NIM1K: variants seen among roughly 807,000 people sequenced by gnomAD.
NIM1K encodes the protein NIM1 serine/threonine protein kinase.
A neutral mutation model predicts 37.1 loss-of-function variants in NIM1K; 35 were observed. The observed-to-expected ratio is 0.94, with a 90% CI of 0.72 to 1.25. NIM1K has a LOEUF of 1.25. Among genes scored for constraint, NIM1K ranks in the 50% most tolerant of loss-of-function variants. The pLI is 0.00. For missense variants in NIM1K, 564 were observed against 548.0 expected, an observed-to-expected ratio of 1.03 and a Z score of -0.29; for synonymous variants, 234 against 206.6, an observed-to-expected ratio of 1.13 and a Z score of -1.14.
intron 2 of NIM1K, among the ~76,000 whole-genome samples, chr5:43,272,487 G>T (rs1203814007): frequency 6.6e-6 from 1 of 152,002 alleles, no homozygotes; most frequent in East Asian, 1.9e-4. Flanking sequence ...TAGTCCTCTG[G>T]GTTCCAGTTG....
intron 1 of NIM1K, chr5:43,232,101 A>C (rs1197687880): frequency 9.6e-7 from 1 of 1,042,606 alleles, no homozygotes; most frequent in Non-Finnish European, 1.4e-6. Flanking sequence ...GAGGGCTGGC[A>C]GTTAATGCCA....
chr5:43,225,260 C>CAAAAAAAA (rs10555794), intron 1 of NIM1K, among the ~76,000 whole-genome samples: 29 of 72,710 alleles, frequency 4.0e-4, no homozygotes, highest in Non-Finnish European at 5.9e-4. Flanking sequence ...ACCCTCTTTC[C>CAAAAAAAA]AAAAAAAAAA....
At chr5:43,263,170 G>A (rs965716670) in intron 2 of NIM1K, among the ~76,000 whole-genome samples, 1 of 152,178 alleles carries the variant, frequency 6.6e-6, no homozygotes, top group African/African-American at 2.4e-5. Flanking sequence ...GATTGGAATA[G>A]TTTCAGAAGG....
intron 2 of NIM1K, among the ~76,000 whole-genome samples, chr5:43,259,300 C>T (rs1752993788): frequency 6.6e-6 from 1 of 152,130 alleles, no homozygotes; most frequent in Non-Finnish European, 1.5e-5. Flanking sequence ...AATGGTAGAT[C>T]TACTCTCAGA....
intron 2 of NIM1K, among the ~76,000 whole-genome samples, chr5:43,250,843 T>A (rs911658780): frequency 3.9e-5 from 6 of 152,174 alleles, no homozygotes; most frequent in Admixed American, 1.3e-4. Context: ...AAGTGTGGGT[T>A]CAGATGTTAG....
chr5:43,201,869 GA>G (rs1752025046), intron 1 of NIM1K, among the ~76,000 whole-genome samples: 2 of 150,730 alleles, frequency 1.3e-5, no homozygotes, highest in East Asian at 3.9e-4. Flanking sequence ...TGAGGCAGGA[GA>G]ATCACTTGAA....
chr5:43,232,192 G>T, intron 1 of NIM1K: 1 of 989,612 alleles, frequency 1.0e-6, no homozygotes, highest in Non-Finnish European at 1.6e-6. Flanking sequence ...CAGCATTGAC[G>T]TCTTTGAGAA....
Position 43,277,043 on chromosome 5 carries a change from T to G in NIM1K, c.293-14T>G, listed in dbSNP as rs759332381. The G allele has an allele frequency of 6.2e-7, 1 of 1,612,040 alleles. No homozygotes were observed. Among genetic ancestry groups the G allele is most frequent in the Non-Finnish European group, 8.5e-7 (1 of 1,179,340 alleles). ...TGTGAATTCTGGCACAATTTTTACTTTTTTTCCTTGCAGAAAAGGTGGCCA... is the reference window on the plus strand; with the variant it reads ...TGTGAATTCTGGCACAATTTTTACTGTTTTTCCTTGCAGAAAAGGTGGCCA... On this transcript the variant is annotated splice_polypyrimidine_tract_variant and intron_variant, in intron 2 of 3. Coordinates refer to ENST00000326035, the MANE Select transcript of NIM1K (RefSeq NM_153361.4).
intron 2 of NIM1K, among the ~76,000 whole-genome samples, chr5:43,274,760 C>T (rs1051619266): frequency 1.3e-5 from 2 of 152,214 alleles, no homozygotes; most frequent in African/African-American, 2.4e-5. Context: ...ACCCTTTTTC[C>T]ATTCCAGAAG....
chr5:43,197,523 T>G (rs566845238), intron 1 of NIM1K, among the ~76,000 whole-genome samples: 4 of 152,338 alleles, frequency 2.6e-5, no homozygotes, highest in Admixed American at 1.3e-4. Flanking sequence ...CCTTTTAAAC[T>G]TTTTGGAAAT....
chr5:43,241,781 G>C (rs536745790), intron 1 of NIM1K, among the ~76,000 whole-genome samples: 3 of 151,908 alleles, frequency 2.0e-5, no homozygotes, highest in Non-Finnish European at 4.4e-5. Flanking sequence ...ATACTTTTGG[G>C]CAAACAGAAA....
At chr5:43,279,946 T>C in intron 3 of NIM1K, 34 bp from the exon 4 acceptor site, 4 of 1,558,090 alleles carry the variant, frequency 2.6e-6, no homozygotes, top group Non-Finnish European at 3.5e-6. Flanking sequence ...CATTTTACTG[T>C]AAAAATGACT....
At chr5:43,224,697 A>AT (rs34015498) in intron 1 of NIM1K, among the ~76,000 whole-genome samples, 61,486 of 140,670 alleles carry the variant, frequency 0.44, 14,148 homozygotes, top group East Asian at 0.63. Flanking sequence ...TAACAAGTGA[A>AT]TTTTTTTTTT....
chr5:43,273,984 C>G (rs1311011284), intron 2 of NIM1K, among the ~76,000 whole-genome samples: 1 of 152,160 alleles, frequency 6.6e-6, no homozygotes, highest in Non-Finnish European at 1.5e-5. Flanking sequence ...ATTTAGAGAT[C>G]TAGCTCTTCA....
At chr5:43,274,676 C>T (rs1753311529) in intron 2 of NIM1K, among the ~76,000 whole-genome samples, 1 of 152,194 alleles carries the variant, frequency 6.6e-6, no homozygotes, top group Admixed American at 6.5e-5. Flanking sequence ...TGCTCCTGCT[C>T]CCTTAGAGCT....
chr5:43,217,283 T>C (rs1752313687), intron 1 of NIM1K, among the ~76,000 whole-genome samples: 1 of 152,196 alleles, frequency 6.6e-6, no homozygotes. Context: ...GTCATTCATG[T>C]TGTAGCATGT....
At chr5:43,250,673 A>G (rs1311508881) in intron 2 of NIM1K, among the ~76,000 whole-genome samples, 1 of 152,268 alleles carries the variant, frequency 6.6e-6, no homozygotes, top group Non-Finnish European at 1.5e-5. Context: ...AAGGCCAAAA[A>G]TCGAGACAGA....
intron 1 of NIM1K, among the ~76,000 whole-genome samples, chr5:43,223,742 A>T (rs1752413492): frequency 6.6e-6 from 1 of 152,194 alleles, no homozygotes; most frequent in African/African-American, 2.4e-5. Context: ...GAAACCTTTG[A>T]GCCCCTAGAT....
chr5:43,223,386 T>A (rs1374860386), intron 1 of NIM1K, among the ~76,000 whole-genome samples: 1 of 152,186 alleles, frequency 6.6e-6, no homozygotes, highest in Non-Finnish European at 1.5e-5. Flanking sequence ...ACATACAGTA[T>A]CTAGAATAAT....
Sources: gnomAD v4.1 joint callset for allele counts (sites outside exome capture counted in the v4.1 genomes callset) on GRCh38, gnomAD v4.1.1 for gene constraint, MANE v1.5 for transcripts, NCBI Gene and HGNC (gene_info 2026-07-23, HGNC 2026-07-21) for gene names.